PLD5: variants seen among roughly 807,000 people sequenced by gnomAD.
PLD5 encodes inactive phospholipase D5.
A neutral mutation model predicts 61.1 loss-of-function variants in PLD5; 36 were observed. The ratio of observed to expected loss-of-function variants is 0.59; its 90% CI spans 0.45 to 0.78. PLD5 has a LOEUF of 0.78. Among genes scored for constraint, PLD5 ranks in the 30% least tolerant of loss-of-function variants. PLD5 has a pLI of 0.00. For synonymous variants in PLD5, 243 were observed against 242.8 expected, an observed-to-expected ratio of 1.00 and a Z score of -0.01; for missense variants, 515 against 644.4, an observed-to-expected ratio of 0.80 and a Z score of 2.17.
intron 5 of PLD5, among the ~76,000 whole-genome samples, chr1:242,156,035 T>G (rs531711439): frequency 6.6e-6 from 1 of 152,228 alleles, no homozygotes; most frequent in Admixed American, 6.5e-5. Context: ...TGGGTGTTCC[T>G]GTATTGGGTG....
chr1:242,254,289 A>T (rs536898521), intron 4 of PLD5, among the ~76,000 whole-genome samples: 1 of 149,636 alleles, frequency 6.7e-6, no homozygotes, highest in Non-Finnish European at 1.5e-5. Flanking sequence ...CACTTTTTAT[A>T]TATTATCTAA....
intron 1 of PLD5, among the ~76,000 whole-genome samples, chr1:242,407,301 T>C (rs1326013883): frequency 6.6e-6 from 1 of 152,160 alleles, no homozygotes; most frequent in Admixed American, 6.5e-5. Context: ...TAAACCTCTT[T>C]CCTTTATAAA....
intron 1 of PLD5, among the ~76,000 whole-genome samples, chr1:242,468,878 A>C (rs947449347): frequency 2.6e-5 from 4 of 152,168 alleles, no homozygotes; most frequent in African/African-American, 9.7e-5. Context: ...ATGACTCACA[A>C]CAACCCTATA....
upstream of PLD5, among the ~76,000 whole-genome samples, chr1:242,528,077 C>A (rs1050128369): frequency 1.3e-5 from 2 of 152,188 alleles, no homozygotes; most frequent in Non-Finnish European, 2.9e-5. Context: ...TAACACTTGG[C>A]AACATGTTTT....
In PLD5 at chr1:242,288,363, T is replaced by C; in HGVS notation, c.494A>G (p.Gln165Arg). Residue 165 changes from glutamine (Q) to arginine (R), a missense_variant and splice_region_variant, in exon 3 of 10, where the codon CAG (glutamine) becomes CGG (arginine). By Grantham distance (43) the Gln-to-Arg change is conservative. This residue lies in a region of PLD5 where 450 missense variants were observed against 598.1 expected (regional missense o/e 0.75). Coordinates refer to ENST00000536534, the MANE Select transcript of PLD5 (RefSeq NM_001372062.1). ...ACACACACAGAGGATGTAGCTTACC[T>C]GACATGCTGATGGATGAGTGTGGTT... ...DLNHTHPSACQGQRLFEKLLQ... is the reference protein window; with the variant it reads ...DLNHTHPSACRGQRLFEKLLQ... 1 of 1,612,396 alleles carries C rather than the reference T, an allele frequency of 6.2e-7. No individual in the cohort carries two copies. Among genetic ancestry groups the C allele is most frequent in the Non-Finnish European group, 8.5e-7 (1 of 1,179,552 alleles).
At position 242,462,283 on chromosome 1, in the gene PLD5, C is replaced by T. The variant is rs191889080; in HGVS notation, c.189+61805G>A. Among the ~76,000 whole-genome samples, 35 of 152,272 alleles carry T rather than the reference C, an allele frequency of 2.3e-4. 2 individuals are homozygous for T. In the East Asian group the frequency reaches 5.4e-3, roughly 24 times the overall value. On this transcript the variant is annotated intron_variant, in intron 1 of 9. Coordinates refer to ENST00000536534, the MANE Select transcript of PLD5 (RefSeq NM_001372062.1). ...GGATACAGAAAATGTGGCACATATA[C>T]ACCATGGAATACTATGCAACCATAA...
chr1:242,296,564 T>C (rs576514549), intron 2 of PLD5, among the ~76,000 whole-genome samples: 1 of 152,326 alleles, frequency 6.6e-6, no homozygotes, highest in African/African-American at 2.4e-5. Flanking sequence ...GACATGGAAA[T>C]AGTTGATACA....
intron 1 of PLD5, among the ~76,000 whole-genome samples, chr1:242,471,639 A>C (rs1667451318): frequency 6.6e-6 from 1 of 152,146 alleles, no homozygotes; most frequent in Non-Finnish European, 1.5e-5. Context: ...ATAAAAAGAG[A>C]AAAGGGACAG....
At chr1:242,112,339 G>GTGTGTGTATATATATATATATATATATA (rs1370325825) in intron 7 of PLD5, among the ~76,000 whole-genome samples, 2 of 143,422 alleles carry the variant, frequency 1.4e-5, no homozygotes, top group Middle Eastern at 3.6e-3. Flanking sequence ...ATGTATATGT[G>GTGTGTGTATATATATATATATATATATA]TATATATATA....
intron 4 of PLD5, among the ~76,000 whole-genome samples, chr1:242,259,107 T>C (rs1673242875): frequency 6.6e-6 from 1 of 152,046 alleles, no homozygotes; most frequent in Non-Finnish European, 1.5e-5. Flanking sequence ...TCAACCAGGG[T>C]AAAGAGATGA....
chr1:242,491,137 C>T (rs1668136856), intron 1 of PLD5, among the ~76,000 whole-genome samples: 1 of 152,182 alleles, frequency 6.6e-6, no homozygotes, highest in South Asian at 2.1e-4. Context: ...TTGGCATCTT[C>T]TCCAGCTTTA....
chr1:242,219,957 A>T, intron 5 of PLD5, 31 bp downstream of exon 5: 1 of 1,603,522 alleles, frequency 6.2e-7, no homozygotes, highest in African/African-American at 1.3e-5. Flanking sequence ...GGGTGACAGA[A>T]CATTGAGTTT....
At chr1:242,125,329 G>A (rs1558247115) in intron 5 of PLD5, among the ~76,000 whole-genome samples, 1 of 151,940 alleles carries the variant, frequency 6.6e-6, no homozygotes, top group Admixed American at 6.6e-5. Flanking sequence ...TAGACCAATA[G>A]CATCTTAAAA....
intron 3 of PLD5, among the ~76,000 whole-genome samples, chr1:242,281,592 A>T (rs2149127944): frequency 6.6e-6 from 1 of 152,314 alleles, no homozygotes; most frequent in South Asian, 2.1e-4. Context: ...GTGTTCTAAG[A>T]TCAAATATTT....
At chr1:242,114,502 T>A (rs1661789459) in intron 6 of PLD5, among the ~76,000 whole-genome samples, 1 of 152,194 alleles carries the variant, frequency 6.6e-6, no homozygotes. Context: ...TACGGTCCTA[T>A]AGAACAAGGG....
intron 6 of PLD5, among the ~76,000 whole-genome samples, chr1:242,122,756 T>A (rs1346747478): frequency 6.6e-6 from 1 of 152,248 alleles, no homozygotes; most frequent in Admixed American, 6.5e-5. Context: ...CTCTTCACAT[T>A]TATGTGAATT....
chr1:242,443,426 G>A (rs562550528), intron 1 of PLD5, among the ~76,000 whole-genome samples: 2 of 152,138 alleles, frequency 1.3e-5, no homozygotes, highest in African/African-American at 4.8e-5. Flanking sequence ...AGGTGAACTG[G>A]TTGGTGGGTC....
At chr1:242,207,991 T>TATACACAC (rs1669546673) in intron 5 of PLD5, among the ~76,000 whole-genome samples, 1 of 40,286 alleles carries the variant, frequency 2.5e-5, no homozygotes, top group Non-Finnish European at 4.0e-5. Flanking sequence ...TATATATTTA[T>TATACACAC]ACACACACAC....
At chr1:242,174,355 C>T (rs1397461608) in intron 5 of PLD5, among the ~76,000 whole-genome samples, 1 of 151,840 alleles carries the variant, frequency 6.6e-6, no homozygotes, top group Non-Finnish European at 1.5e-5. Flanking sequence ...TGGGATACCA[C>T]CTCACACCAG....
Sources: allele counts gnomAD v4.1 joint callset (sites outside exome capture counted in the v4.1 genomes callset), GRCh38; gene constraint gnomAD v4.1.1; regional missense constraint gnomAD v4.1.1; transcripts MANE v1.5; gene names NCBI Gene and HGNC (gene_info 2026-07-23, HGNC 2026-07-21).